The following RAB23 variants were observed in gnomAD, a reference collection of about 807,000 sequenced individuals.
The protein encoded by RAB23 is RAB23, member RAS oncogene family.
Under a neutral mutation model 30.0 loss-of-function variants are expected in RAB23, and 15 were observed. The observed-to-expected ratio is 0.50, with a 90% CI of 0.33 to 0.77. RAB23 has a LOEUF of 0.77. Among genes scored for constraint, RAB23 ranks in the 30% least tolerant of loss-of-function variants. RAB23 has a pLI of 0.02. For synonymous variants in RAB23, 93 were observed against 94.0 expected (o/e 0.99, Z 0.06); for missense variants, 243 against 275.4 (o/e 0.88, Z 0.83).
rs536488867 is a variant in RAB23, at chr6:57,213,746, C to A, written c.-65-3301G>T. On this transcript the variant is annotated intron_variant, in intron 1 of 6. Coordinates refer to ENST00000468148, the MANE Select transcript of RAB23 (RefSeq NM_016277.5). ...CATGGTAATGAGTTTTCCTTGAGTT[C>A]TTTTTACCTCATATATCCCAGACTG... 2.0e-4 allele frequency among the ~76,000 whole-genome samples: 31 copies of A among 152,100 alleles called. No individual in the cohort carries two copies. The South Asian group carries it at 2.1e-3, about 10-fold the overall frequency.
intron 3 of RAB23, among the ~76,000 whole-genome samples, chr6:57,198,591 G>C (rs1164962291): frequency 6.6e-6 from 1 of 152,050 alleles, no homozygotes; most frequent in Non-Finnish European, 1.5e-5. Flanking sequence ...TGAGGTGGGA[G>C]GATTGCTTGA....
intron 2 of RAB23, 103 bp downstream of exon 2, chr6:57,210,123 G>T: frequency 1.6e-6 from 2 of 1,276,150 alleles, no homozygotes; most frequent in Non-Finnish European, 2.2e-6. Context: ...GCCACTAGTT[G>T]CCACACCTCG....
At position 57,206,681 on chromosome 6, in the gene RAB23, C is replaced by T. The variant is rs142764541; in HGVS notation, c.241+947G>A. ...CAGTGAGAAACAAGACAACCTCTGC[C>T]GAACAGCCTTTAAGTCTTGAGGAAT... On this transcript the variant is annotated intron_variant, in intron 3 of 6. Coordinates refer to ENST00000468148, the MANE Select transcript of RAB23 (RefSeq NM_016277.5). Among the ~76,000 whole-genome samples the T allele has an allele frequency of 8.7e-4, 133 of 152,094 alleles. 1 individual carries two copies. The highest frequency in any genetic ancestry group is 3.0e-3 in the African/African-American group (124 of 41,484).
intron 6 of RAB23, among the ~76,000 whole-genome samples, chr6:57,190,833 T>A (rs1393931858): frequency 6.6e-6 from 1 of 152,172 alleles, no homozygotes; most frequent in Admixed American, 6.5e-5. Context: ...ATAACTCTTT[T>A]CATCTTTAAA....
At chr6:57,218,887 A>G (rs1299421612) in intron 1 of RAB23, among the ~76,000 whole-genome samples, 3 of 152,004 alleles carry the variant, frequency 2.0e-5, no homozygotes, top group African/African-American at 7.3e-5. Context: ...AAGCATCTAT[A>G]ACATAAAACA....
intron 6 of RAB23, among the ~76,000 whole-genome samples, chr6:57,191,517 T>G (rs1482162377): frequency 6.6e-6 from 1 of 150,548 alleles, no homozygotes. Flanking sequence ...TTGTGTGATT[T>G]TGGCTCACCG....
At chr6:57,207,096 ACTTTT>A (rs1765480270) in intron 3 of RAB23, among the ~76,000 whole-genome samples, 1 of 152,216 alleles carries the variant, frequency 6.6e-6, no homozygotes, top group South Asian at 2.1e-4. Context: ...GTTAAAGGAA[ACTTTT>A]AAGTTCCATT....
intron 3 of RAB23, among the ~76,000 whole-genome samples, chr6:57,202,915 C>G (rs527617496): frequency 6.6e-6 from 1 of 151,308 alleles, no homozygotes; most frequent in African/African-American, 2.4e-5. Context: ...AAAGAAGACG[C>G]TGAAACTGAG....
chr6:57,216,525 C>A (rs1386699314), intron 1 of RAB23, among the ~76,000 whole-genome samples: 1 of 152,152 alleles, frequency 6.6e-6, no homozygotes, highest in African/African-American at 2.4e-5. Flanking sequence ...ACAGGGCAAA[C>A]CCCAAAACTG....
chr6:57,201,320 T>C (rs1352931913), intron 3 of RAB23, among the ~76,000 whole-genome samples: 4 of 152,150 alleles, frequency 2.6e-5, no homozygotes, highest in Non-Finnish European at 5.9e-5. Context: ...TGACCTCAGG[T>C]GATCCGCCCA....
rs1351785525 is a variant in RAB23 at position 57,210,460 on chromosome 6, G to A, written c.-65-15C>T. 6.9e-7 allele frequency: 1 copy of A among 1,440,178 alleles called. No individual in the cohort carries two copies. Among genetic ancestry groups the A allele is most frequent in the Non-Finnish European group, 9.7e-7 (1 of 1,029,316 alleles). The allele number at this position is 1,440,178 out of a possible 1,614,324, so 89.2% of individuals were successfully genotyped here. A position where few individuals can be genotyped will look rare whatever the true frequency, so the allele number is the denominator to read the frequency against. ...CCCTCTCAAATCTGTGGTTTAAAAT[G>A]AAATTATTTTTTCATAACACAAAAA... is the stretch of plus-strand genomic sequence containing the variant. On this transcript the variant is annotated splice_polypyrimidine_tract_variant and intron_variant, in intron 1 of 6. Coordinates refer to ENST00000468148, the MANE Select transcript of RAB23 (RefSeq NM_016277.5).
chr6:57,202,599 C>T (rs1036580022), intron 3 of RAB23, among the ~76,000 whole-genome samples: 3 of 152,086 alleles, frequency 2.0e-5, no homozygotes, highest in East Asian at 1.9e-4. Flanking sequence ...GAGGAGGTAC[C>T]GGTACCACAC....
chr6:57,196,919 T>C (rs1299237752), intron 3 of RAB23, among the ~76,000 whole-genome samples: 3 of 152,196 alleles, frequency 2.0e-5, no homozygotes, highest in African/African-American at 4.8e-5. Flanking sequence ...AGCATACACA[T>C]TCTTTTTGGA....
intron 5 of RAB23, among the ~76,000 whole-genome samples, chr6:57,194,169 G>C (rs1764938148): frequency 6.6e-6 from 1 of 152,042 alleles, no homozygotes; most frequent in Non-Finnish European, 1.5e-5. Context: ...AATAATACTT[G>C]TAATGATTGG....
intron 3 of RAB23, among the ~76,000 whole-genome samples, chr6:57,201,811 TG>T (rs1344247288): frequency 6.6e-6 from 1 of 152,248 alleles, no homozygotes; most frequent in Non-Finnish European, 1.5e-5. Context: ...TCATGTCGTC[TG>T]TATCTTTCTG....
At position 57,187,011 on chromosome 6, in the gene RAB23, TTATTTTCTGA is replaced by T. The variant is rs1764627966; in HGVS notation, c.*3440_*3449del. 6.6e-6 allele frequency: 1 copy of T among 152,202 alleles called. No individual in the cohort carries two copies. The highest frequency in any genetic ancestry group is 2.1e-4 in the South Asian group (1 of 4,828). 9.4% of individuals were successfully genotyped at this position (152,202 alleles called of 1,614,324 possible). A position where few individuals can be genotyped will look rare whatever the true frequency, so the allele number is the denominator to read the frequency against. On this transcript the variant is annotated 3_prime_UTR_variant, in exon 7 of 7. Coordinates refer to ENST00000468148, the MANE Select transcript of RAB23 (RefSeq NM_016277.5). Reference sequence around the variant, plus strand: ...ACAAAATTTTAGCTTTGAAATGCATTTATTTTCTGATTATTGGAATTCATCCTTCATGAAA... The same window carrying T: ...ACAAAATTTTAGCTTTGAAATGCATTTTATTGGAATTCATCCTTCATGAAA...
At chr6:57,209,365 G>A (rs1765565378) in intron 2 of RAB23, among the ~76,000 whole-genome samples, 1 of 152,138 alleles carries the variant, frequency 6.6e-6, no homozygotes, top group Non-Finnish European at 1.5e-5. Context: ...ACTGCATACT[G>A]AAATATTTAT....
intron 6 of RAB23, among the ~76,000 whole-genome samples, chr6:57,191,105 A>G (rs1331886067): frequency 6.6e-6 from 1 of 152,198 alleles, no homozygotes; most frequent in Non-Finnish European, 1.5e-5. Flanking sequence ...CATTTTGCTT[A>G]TCCTTTCATA....
At chr6:57,203,800 T>C (rs576393144) in intron 3 of RAB23, among the ~76,000 whole-genome samples, 33 of 152,300 alleles carry the variant, frequency 2.2e-4, no homozygotes, top group African/African-American at 7.5e-4. Context: ...TTCTCAACCT[T>C]AGACCATGAT....
Sources: allele counts gnomAD v4.1 joint callset (sites outside exome capture counted in the v4.1 genomes callset), GRCh38; gene constraint gnomAD v4.1.1; transcripts MANE v1.5; gene names NCBI Gene and HGNC (gene_info 2026-07-23, HGNC 2026-07-21).